Variants in FBXL13 observed in about 807,000 individuals in gnomAD.
FBXL13 encodes F-box and leucine-rich repeat protein 13.
In FBXL13, 67 loss-of-function variants were observed where a neutral mutation model predicts 83.6. The ratio of observed to expected loss-of-function variants is 0.80; its 90% CI spans 0.66 to 0.98. The LOEUF (loss-of-function observed/expected upper bound fraction) is 0.98, where lower values mean the gene tolerates loss of function less well. Ranked by LOEUF, FBXL13 falls within the 50% of genes least tolerant of loss-of-function variation. The probability of loss-of-function intolerance (pLI) is 0.00; values close to 1 mark genes in which losing one functional copy is unlikely to be tolerated. For synonymous variants in FBXL13, 272 were observed against 299.5 expected (o/e 0.91, Z 0.95); for missense variants, 822 against 866.5 (o/e 0.95, Z 0.64).
At chr7:103,058,549 GC>G (rs1158534813) in intron 1 of FBXL13, among the ~76,000 whole-genome samples, 1 of 152,196 alleles carries the variant, frequency 6.6e-6, no homozygotes, top group African/African-American at 2.4e-5. Context: ...GCACTTCTGT[GC>G]CTGGGTCTCC....
chr7:102,823,285 A>G (rs1290067749), intron 18 of FBXL13, among the ~76,000 whole-genome samples: 2 of 152,208 alleles, frequency 1.3e-5, no homozygotes, highest in African/African-American at 2.4e-5. Flanking sequence ...ATAACATTAC[A>G]TGCTACAAAA....
rs1816991864 is a variant in FBXL13, at chr7:102,921,404, G to A, written c.878+4870C>T. On this transcript the variant is annotated intron_variant, in intron 10 of 19. Transcript: ENST00000313221. ...TTCTCTATAAGAAACTCTGGGCCGG[G>A]CACAGTGGCTCATGCCTGTAATCCC... 2.0e-5 allele frequency among the ~76,000 whole-genome samples: 3 copies of A among 152,142 alleles called. No individual in the cohort carries two copies. In the South Asian group the frequency reaches 6.2e-4, roughly 32 times the overall value.
chr7:102,832,701 G>T lies in FBXL13; in HGVS notation c.1854+139C>A, dbSNP rs146129145. On this transcript the variant is annotated intron_variant, in intron 18 of 19. Coordinates refer to ENST00000313221, the Ensembl canonical transcript of FBXL13. ...GAATCATAAGCTATTTCCAATTTGA[G>T]GATAGAAGAAAAAAATCCAATGAAT... 25 of 1,039,414 alleles carry T rather than the reference G, an allele frequency of 2.4e-5. 1 individual carries two copies. In the Middle Eastern group the frequency reaches 7.7e-4, roughly 32 times the overall value. 64.4% of individuals were successfully genotyped at this position (1,039,414 alleles called of 1,614,324 possible).
At chr7:102,938,803 A>G (rs1335430212) in intron 8 of FBXL13, among the ~76,000 whole-genome samples, 1 of 152,152 alleles carries the variant, frequency 6.6e-6, no homozygotes, top group African/African-American at 2.4e-5. Flanking sequence ...AGCAAATGAG[A>G]TTTTCCTGTG....
intron 11 of FBXL13, among the ~76,000 whole-genome samples, chr7:102,907,788 A>G (rs1813992166): frequency 1.3e-5 from 2 of 152,208 alleles, no homozygotes; most frequent in Non-Finnish European, 2.9e-5. Flanking sequence ...CAAGACATTT[A>G]TGCAGCCAAC....
chr7:102,929,495 C>T lies in FBXL13; in HGVS notation c.777+2386G>A, dbSNP rs868390093. On this transcript the variant is annotated intron_variant, in intron 9 of 19. Transcript: ENST00000313221. ...TGTCCAACATGGTGAAACCCCATCTCTACAAAAAAAATTCAAAAATTAGCC... is the reference window on the plus strand; with the variant it reads ...TGTCCAACATGGTGAAACCCCATCTTTACAAAAAAAATTCAAAAATTAGCC... Among the ~76,000 whole-genome samples, 4 of 151,764 alleles carry T rather than the reference C, an allele frequency of 2.6e-5. No homozygotes were observed. The South Asian group carries it at 8.3e-4, about 32-fold the overall frequency.
At chr7:103,003,582 G>A (rs1476343027) in intron 6 of FBXL13, among the ~76,000 whole-genome samples, 1 of 148,132 alleles carries the variant, frequency 6.8e-6, no homozygotes, top group African/African-American at 2.5e-5. Context: ...CTTGCACCTG[G>A]CCATTTTTGT....
intron 8 of FBXL13, among the ~76,000 whole-genome samples, chr7:102,957,091 A>G (rs1198323412): frequency 6.6e-6 from 1 of 152,214 alleles, no homozygotes. Context: ...ATCCTAAGCA[A>G]AAAGAACAAA....
intron 11 of FBXL13, among the ~76,000 whole-genome samples, chr7:102,895,058 T>C (rs1812094098): frequency 6.6e-6 from 1 of 152,144 alleles, no homozygotes; most frequent in African/African-American, 2.4e-5. Flanking sequence ...TAAGGCACCA[T>C]CCCTGTTTTC....
intron 2 of FBXL13, among the ~76,000 whole-genome samples, chr7:103,032,321 C>A (rs950321512): frequency 4.6e-5 from 7 of 152,178 alleles, no homozygotes; most frequent in Non-Finnish European, 8.8e-5. Flanking sequence ...GCCATACTTG[C>A]TTTTTCTATT....
At chr7:102,898,897 T>C (rs569280571) in intron 11 of FBXL13, among the ~76,000 whole-genome samples, 1 of 152,172 alleles carries the variant, frequency 6.6e-6, no homozygotes, top group South Asian at 2.1e-4. Flanking sequence ...TTTATTTTTA[T>C]TTATTTAATT....
intron 19 of FBXL13, 29 bp from the exon 21 acceptor site, chr7:102,813,560 G>A (rs1224591676): frequency 1.3e-6 from 2 of 1,599,328 alleles, no homozygotes; most frequent in East Asian, 2.2e-5. Flanking sequence ...GCATTAGCTA[G>A]TTGCAGAAGT....
intron 2 of FBXL13, among the ~76,000 whole-genome samples, chr7:103,034,374 T>A (rs561133114): frequency 1.6e-4 from 25 of 152,196 alleles, no homozygotes; most frequent in Non-Finnish European, 3.2e-4. Context: ...GGACTGCAGG[T>A]CCTGAGCCCT....
chr7:102,826,755 ATATATATATATATATATG>A (rs1799765822), intron 18 of FBXL13, among the ~76,000 whole-genome samples: 1 of 114,734 alleles, frequency 8.7e-6, no homozygotes, highest in Non-Finnish European at 1.8e-5. Context: ...ATATATATAT[ATATATATATATATATATG>A]TATATATATC....
At chr7:102,890,328 C>T (rs1401124610) in intron 11 of FBXL13, among the ~76,000 whole-genome samples, 3 of 152,280 alleles carry the variant, frequency 2.0e-5, no homozygotes, top group Admixed American at 1.3e-4. Flanking sequence ...ATCTGATTCC[C>T]GTTTGGTTGT....
chr7:102,957,931 G>A (rs918684985), intron 8 of FBXL13, among the ~76,000 whole-genome samples: 4 of 152,156 alleles, frequency 2.6e-5, no homozygotes, highest in Admixed American at 6.5e-5. Context: ...CTTTTACATC[G>A]TTGGTTGGAG....
At chr7:102,928,656 TCCC>T in intron 9 of FBXL13, among the ~76,000 whole-genome samples, 1 of 152,306 alleles carries the variant, frequency 6.6e-6, no homozygotes, top group East Asian at 1.9e-4. Flanking sequence ...CAACTGAAGC[TCCC>T]TGAGGACAAG....
At chr7:102,985,944 G>A (rs1828890841) in intron 6 of FBXL13, among the ~76,000 whole-genome samples, 1 of 152,020 alleles carries the variant, frequency 6.6e-6, no homozygotes, top group African/African-American at 2.4e-5. Flanking sequence ...TGTTGAGCAT[G>A]TGTGAACAGT....
chr7:102,944,839 G>C (rs553890783), intron 8 of FBXL13: 2 of 425,240 alleles, frequency 4.7e-6, no homozygotes, highest in Admixed American at 8.2e-5. Context: ...ATTCCACACT[G>C]GTAACCTGCA....
Sources: gnomAD v4.1 joint callset for allele counts (sites outside exome capture counted in the v4.1 genomes callset) on GRCh38, gnomAD v4.1.1 for gene constraint, MANE v1.5 for transcripts, NCBI Gene and HGNC (gene_info 2026-07-23, HGNC 2026-07-21) for gene names.